PLEKHG1: variants seen among roughly 807,000 people sequenced by gnomAD.
PLEKHG1 encodes pleckstrin homology and RhoGEF domain containing G1.
PLEKHG1 carries 44 observed loss-of-function variants against 100.8 expected under a neutral mutation model. The ratio of observed to expected loss-of-function variants is 0.44; its 90% CI spans 0.34 to 0.56. The LOEUF (loss-of-function observed/expected upper bound fraction) is 0.56, where lower values mean the gene tolerates loss of function less well. Ranked by LOEUF, PLEKHG1 falls within the 20% of genes least tolerant of loss-of-function variation. PLEKHG1 has a pLI of 0.01. For missense variants in PLEKHG1, 1,545 were observed against 1,720.9 expected, an observed-to-expected ratio of 0.90 and a Z score of 1.81; for synonymous variants, 640 against 662.5, an observed-to-expected ratio of 0.97 and a Z score of 0.52.
intron 3 of PLEKHG1, among the ~76,000 whole-genome samples, chr6:150,705,885 C>G (rs1326899953): frequency 1.3e-5 from 2 of 152,152 alleles, no homozygotes; most frequent in Admixed American, 1.3e-4. Context: ...CAGGGTAGGG[C>G]TTCCCCTTTC....
At chr6:150,778,165 T>C (rs1424841947) in intron 3 of PLEKHG1, among the ~76,000 whole-genome samples, 1 of 152,232 alleles carries the variant, frequency 6.6e-6, no homozygotes, top group Non-Finnish European at 1.5e-5. Context: ...TCTCACTCTG[T>C]TGTCCAGGCT....
chr6:150,636,221 T>C lies in PLEKHG1; in HGVS notation c.-203-1859T>C, dbSNP rs144571424. Among the ~76,000 whole-genome samples, 89 of 152,284 alleles carry C rather than the reference T, an allele frequency of 5.8e-4. No homozygotes were observed. The East Asian group carries it at 8.1e-3, about 14-fold the overall frequency. On this transcript the variant is annotated intron_variant, in intron 1 of 3. Coordinates refer to the PLEKHG1 transcript ENST00000367326. ...AATGCTCATGAAAAGACCTCTATTT[T>C]GAATTTTTTCTATAAGTAACAGTTT...
chr6:150,748,256 AG>A lies in PLEKHG1; in HGVS notation c.411+14165del, dbSNP rs1266473600. On this transcript the variant is annotated intron_variant, in intron 2 of 15. Transcript: ENST00000358517. ...CTGAGTAATATTTCATTGTGTGTGT[AG>A]ATTGCATTTCGTTTATCCATTCATC... 3.3e-5 allele frequency among the ~76,000 whole-genome samples: 5 copies of A among 152,262 alleles called. No homozygotes were observed. In the East Asian group the frequency reaches 9.6e-4, roughly 29 times the overall value.
At chr6:150,768,559 G>T in intron 2 of PLEKHG1, 79 bp from the exon 4 acceptor site, 1 of 768,080 alleles carries the variant, frequency 1.3e-6, no homozygotes, top group South Asian at 1.5e-5. Flanking sequence ...AAACAGATAT[G>T]AAAGATGCAC....
intron 7 of PLEKHG1, 108 bp from the exon 9 acceptor site, chr6:150,808,997 C>T: frequency 4.7e-6 from 4 of 846,638 alleles, no homozygotes; most frequent in Non-Finnish European, 7.5e-6. Flanking sequence ...AGTTAGACCC[C>T]CTCAGGGACG....
intron 3 of PLEKHG1, among the ~76,000 whole-genome samples, chr6:150,686,267 T>A (rs912826010): frequency 6.6e-6 from 1 of 152,254 alleles, no homozygotes; most frequent in Non-Finnish European, 1.5e-5. Context: ...TTTTATTAAA[T>A]CTCTTAACCA....
In PLEKHG1 at chr6:150,761,377, G is replaced by A. The variant is rs9383544; in HGVS notation, c.412-7261G>A. On this transcript the variant is annotated intron_variant, in intron 2 of 15. Coordinates refer to ENST00000358517, the Ensembl canonical transcript of PLEKHG1. ...GGCTGGAGTGCAGTGGTGCGATCTCGGCTCACTACAACCTCCACCTCCCAG... is the reference window on the plus strand; with the variant it reads ...GGCTGGAGTGCAGTGGTGCGATCTCAGCTCACTACAACCTCCACCTCCCAG... 2.6e-3 allele frequency among the ~76,000 whole-genome samples: 396 copies of A among 152,046 alleles called. 14 individuals are homozygous for A. The East Asian group carries it at 0.061, about 23-fold the overall frequency.
intron 2 of PLEKHG1, among the ~76,000 whole-genome samples, chr6:150,643,552 AT>A (rs1778361054): frequency 6.6e-6 from 1 of 152,176 alleles, no homozygotes; most frequent in African/African-American, 2.4e-5. Flanking sequence ...CAATATCTAG[AT>A]TGGGTGGGGA....
chr6:150,772,807 T>TA (rs1273271980), intron 3 of PLEKHG1, among the ~76,000 whole-genome samples: 3 of 152,224 alleles, frequency 2.0e-5, no homozygotes, highest in Non-Finnish European at 4.4e-5. Context: ...CATCTTTTCT[T>TA]ATTGGCCATT....
chr6:150,764,106 ATTTTCT>A (rs1216093017), intron 2 of PLEKHG1, among the ~76,000 whole-genome samples: 15 of 129,710 alleles, frequency 1.2e-4, no homozygotes, highest in African/African-American at 2.7e-4. Flanking sequence ...CTTCTCTCCT[ATTTTCT>A]TTTTCTTTTT....
intron 2 of PLEKHG1, among the ~76,000 whole-genome samples, chr6:150,755,763 A>G (rs1410909410): frequency 1.3e-5 from 2 of 152,214 alleles, no homozygotes; most frequent in Non-Finnish European, 2.9e-5. Flanking sequence ...ATCGGGAGCC[A>G]GCCCTGCGGC....
At chr6:150,800,923 T>C (rs1786664284) in intron 6 of PLEKHG1, 54 bp downstream of exon 7, 3 of 1,479,678 alleles carry the variant, frequency 2.0e-6, no homozygotes, top group African/African-American at 1.4e-5. Context: ...TTTGTGTGTA[T>C]ATATTAAGTT....
intron 3 of PLEKHG1, among the ~76,000 whole-genome samples, chr6:150,665,037 C>T (rs926724603): frequency 2.0e-5 from 3 of 152,088 alleles, no homozygotes; most frequent in African/African-American, 7.2e-5. Context: ...TAGGTTGCAA[C>T]CGGGAGAACA....
rs117007273 is a variant in PLEKHG1, at chr6:150,731,491, G to A, written c.-98-2093G>A. Reference sequence around the variant, plus strand: ...TGAATATAAACTAGGTATGTTGAAGGAGAGACTTGTTGGATACTTTATATT... The same window carrying A: ...TGAATATAAACTAGGTATGTTGAAGAAGAGACTTGTTGGATACTTTATATT... On this transcript the variant is annotated intron_variant, in intron 1 of 15. Transcript: ENST00000358517. Among the ~76,000 whole-genome samples the A allele has an allele frequency of 3.9e-5, 6 of 152,286 alleles. No homozygotes were observed. In the East Asian group the frequency reaches 1.2e-3, roughly 29 times the overall value.
chr6:150,685,000 C>T (rs972212330), intron 3 of PLEKHG1, among the ~76,000 whole-genome samples: 66 of 152,162 alleles, frequency 4.3e-4, no homozygotes, highest in African/African-American at 1.4e-3. Flanking sequence ...CTTCAACTCC[C>T]TACCACTCCT....
At chr6:150,820,530 G>GT (rs1371795588) in intron 12 of PLEKHG1, among the ~76,000 whole-genome samples, 1 of 152,088 alleles carries the variant, frequency 6.6e-6, no homozygotes, top group Non-Finnish European at 1.5e-5. Context: ...AATAATCCAC[G>GT]TGACTCCTGC....
At position 150,651,278 on chromosome 6, in the gene PLEKHG1, C is replaced by G. The variant is rs552367390; in HGVS notation, c.-99+492C>G. 8 of 152,274 alleles carry G rather than the reference C, an allele frequency of 5.3e-5. 1 individual carries two copies. The highest frequency in any genetic ancestry group is 1.9e-4 in the African/African-American group (8 of 41,538). The allele number at this position is 152,274 out of a possible 1,614,324, so 9.4% of individuals were successfully genotyped here. A position where few individuals can be genotyped will look rare whatever the true frequency, so the allele number is the denominator to read the frequency against. On this transcript the variant is annotated intron_variant, in intron 3 of 3. Coordinates refer to the PLEKHG1 transcript ENST00000367326. ...TTGAGACAGGGTCTCGCTTTGTCAC[C>G]CAGGCTGGAGTGCAGTGGTGCGATC...
In PLEKHG1 at chr6:150,665,219, T is replaced by G. The variant is rs931441975; in HGVS notation, c.-99+14433T>G. ...GGTTGCAAGTTACTTAAATAAATTA[T>G]CGCTCTTCTTGCCTCTATTGTCACC... On this transcript the variant is annotated intron_variant, in intron 3 of 3. Transcript: ENST00000367326. 2.0e-5 allele frequency among the ~76,000 whole-genome samples: 3 copies of G among 152,186 alleles called. No homozygotes were observed. In the South Asian group the frequency reaches 6.2e-4, roughly 32 times the overall value.
intron 7 of PLEKHG1, 119 bp from the exon 9 acceptor site, chr6:150,808,986 T>C (rs1259784766): frequency 2.8e-6 from 2 of 723,206 alleles, no homozygotes; most frequent in Non-Finnish European, 2.3e-6. Flanking sequence ...ACCACGTAGA[T>C]AGTTAGACCC....
Sources: allele counts gnomAD v4.1 joint callset (sites outside exome capture counted in the v4.1 genomes callset), GRCh38; gene constraint gnomAD v4.1.1; transcripts MANE v1.5; gene names NCBI Gene and HGNC (gene_info 2026-07-23, HGNC 2026-07-21).